The following CNTN4 variants were observed in gnomAD, a reference collection of about 807,000 sequenced individuals.
CNTN4 encodes the protein contactin-4.
In CNTN4, 77 loss-of-function variants were observed where a neutral mutation model predicts 122.5. The observed-to-expected ratio is 0.63, with a 90% CI of 0.52 to 0.76. The LOEUF is 0.76. Ranked by LOEUF, CNTN4 falls within the 30% of genes least tolerant of loss-of-function variation. The pLI is 0.00. For missense variants in CNTN4, 1,256 were observed against 1,259.1 expected (o/e 1.00, Z 0.04); for synonymous variants, 512 against 447.0 (o/e 1.15, Z -1.83).
chr3:2,890,016 G>T (rs66718185), intron 10 of CNTN4, among the ~76,000 whole-genome samples: 1 of 152,136 alleles, frequency 6.6e-6, no homozygotes, highest in Non-Finnish European at 1.5e-5. Context: ...CCATGCATGG[G>T]AAAAAGAGCA....
chr3:2,399,441 G>T (rs554818150), intron 3 of CNTN4, among the ~76,000 whole-genome samples: 1 of 152,024 alleles, frequency 6.6e-6, no homozygotes, highest in Non-Finnish European at 1.5e-5. Flanking sequence ...GATACCTTAG[G>T]ATTCATTCAT....
chr3:2,167,638 C>G (rs893552742), intron 2 of CNTN4, among the ~76,000 whole-genome samples: 1 of 152,128 alleles, frequency 6.6e-6, no homozygotes, highest in Admixed American at 6.5e-5. Context: ...TAAGCTCATA[C>G]CAATGCTTTG....
intron 4 of CNTN4, among the ~76,000 whole-genome samples, chr3:2,728,941 T>G (rs1360615014): frequency 1.3e-5 from 2 of 152,236 alleles, no homozygotes; most frequent in Non-Finnish European, 2.9e-5. Flanking sequence ...TTGGCTGTTA[T>G]GGCAGCACTT....
chr3:3,019,404 C>A (rs565219356), intron 14 of CNTN4, among the ~76,000 whole-genome samples: 60 of 152,214 alleles, frequency 3.9e-4, no homozygotes, highest in African/African-American at 1.3e-3. Context: ...TCAAGCACTT[C>A]TCTTGCCTCA....
chr3:2,651,141 G>A (rs1387796956), intron 4 of CNTN4, among the ~76,000 whole-genome samples: 1 of 152,114 alleles, frequency 6.6e-6, no homozygotes, highest in Non-Finnish European at 1.5e-5. Context: ...AGACATGGTG[G>A]ACCTACCAGG....
chr3:2,655,575 C>T (rs966128381), intron 4 of CNTN4, among the ~76,000 whole-genome samples: 1 of 152,074 alleles, frequency 6.6e-6, no homozygotes, highest in Non-Finnish European at 1.5e-5. Context: ...GGGCAGTTGG[C>T]AGGGACTGGC....
intron 4 of CNTN4, among the ~76,000 whole-genome samples, chr3:2,655,826 C>G (rs749658810): frequency 6.6e-6 from 1 of 152,042 alleles, no homozygotes; most frequent in Non-Finnish European, 1.5e-5. Flanking sequence ...GCGGGATTAC[C>G]AAGACTGTTT....
intron 6 of CNTN4, among the ~76,000 whole-genome samples, chr3:2,814,483 A>G (rs537249321): frequency 1.4e-4 from 22 of 152,280 alleles, no homozygotes; most frequent in Middle Eastern, 3.4e-3. Flanking sequence ...AACATTTACA[A>G]TCTCCATGTT....
intron 3 of CNTN4, among the ~76,000 whole-genome samples, chr3:2,511,089 A>G (rs2076873358): frequency 1.3e-5 from 2 of 152,130 alleles, no homozygotes; most frequent in African/African-American, 4.8e-5. Flanking sequence ...CGTAGAAGAG[A>G]TGATGCTGCT....
intron 2 of CNTN4, among the ~76,000 whole-genome samples, chr3:2,249,125 TGTCA>T (rs1478838114): frequency 8.7e-6 from 1 of 115,228 alleles, no homozygotes; most frequent in Non-Finnish European, 1.9e-5. Flanking sequence ...AATTATTATT[TGTCA>T]ATTAAAGAAA....
intron 11 of CNTN4, 110 bp from the exon 12 acceptor site, chr3:2,902,766 G>A: frequency 3.5e-6 from 4 of 1,141,140 alleles, no homozygotes; most frequent in Non-Finnish European, 3.8e-6. Context: ...TTGCTTATAT[G>A]ATGGCTGTTT....
At chr3:2,538,329 C>T (rs542180815) in intron 3 of CNTN4, among the ~76,000 whole-genome samples, 110 of 152,200 alleles carry the variant, frequency 7.2e-4, no homozygotes, top group Middle Eastern at 3.4e-3. Context: ...ACTCAGTTTA[C>T]GTTACTGTGT....
At chr3:2,479,749 C>G (rs553278489) in intron 3 of CNTN4, among the ~76,000 whole-genome samples, 1 of 152,120 alleles carries the variant, frequency 6.6e-6, no homozygotes, top group African/African-American at 2.4e-5. Flanking sequence ...GCTCTGAGTC[C>G]ATTCTTTGGA....
At chr3:2,108,592 A>G (rs2032668613) in intron 2 of CNTN4, among the ~76,000 whole-genome samples, 1 of 152,150 alleles carries the variant, frequency 6.6e-6, no homozygotes, top group African/African-American at 2.4e-5. Context: ...TGGAGGCAAA[A>G]TTCTTACCAA....
At chr3:2,809,055 T>G (rs1299781687) in intron 6 of CNTN4, among the ~76,000 whole-genome samples, 2 of 152,218 alleles carry the variant, frequency 1.3e-5, no homozygotes, top group African/African-American at 4.8e-5. Flanking sequence ...TATAGCCTCA[T>G]AAAAACTGGC....
At chr3:2,573,572 T>C (rs13316698) in intron 4 of CNTN4, among the ~76,000 whole-genome samples, 21,929 of 152,104 alleles carry the variant, frequency 0.14, 1,752 homozygotes, top group Non-Finnish European at 0.18. Context: ...GGCTACAGCA[T>C]AATGTTTATT....
intron 13 of CNTN4, among the ~76,000 whole-genome samples, chr3:2,944,527 T>C (rs567670740): frequency 6.6e-6 from 1 of 152,324 alleles, no homozygotes; most frequent in Non-Finnish European, 1.5e-5. Flanking sequence ...TTTTTGAATA[T>C]GTCACACATT....
chr3:2,522,999 C>A lies in CNTN4; in HGVS notation c.-88-48417C>A, dbSNP rs1201184375. Reference sequence around the variant, plus strand: ...ATGCCCTAAATCTTTGCTTTCTGTCCTAAATTGATCTGGTACATCTTTGCC... The same window carrying A: ...ATGCCCTAAATCTTTGCTTTCTGTCATAAATTGATCTGGTACATCTTTGCC... On this transcript the variant is annotated intron_variant, in intron 3 of 24. Transcript: ENST00000418658. Among the ~76,000 whole-genome samples, 15 of 152,118 alleles carry A rather than the reference C, an allele frequency of 9.9e-5. No individual in the cohort carries two copies. The East Asian group carries it at 2.9e-3, about 29-fold the overall frequency.
At chr3:2,482,020 G>A (rs2076020758) in intron 3 of CNTN4, among the ~76,000 whole-genome samples, 1 of 152,200 alleles carries the variant, frequency 6.6e-6, no homozygotes, top group African/African-American at 2.4e-5. Context: ...AGAGAGTGGG[G>A]TGCTGCTATA....
Sources: gnomAD v4.1 joint callset for allele counts (sites outside exome capture counted in the v4.1 genomes callset) on GRCh38, gnomAD v4.1.1 for gene constraint, MANE v1.5 for transcripts, NCBI Gene and HGNC (gene_info 2026-07-23, HGNC 2026-07-21) for gene names.